ATG10: variants seen among roughly 807,000 people sequenced by gnomAD.
The protein encoded by ATG10 is ubiquitin-like-conjugating enzyme ATG10.
In ATG10, 30 loss-of-function variants were observed where a neutral mutation model predicts 32.1. The observed-to-expected ratio is 0.94, with a 90% CI of 0.70 to 1.27. ATG10 has a LOEUF of 1.27. Ranked by LOEUF, ATG10 falls within the 50% of genes most tolerant of loss-of-function variation. The probability of loss-of-function intolerance (pLI) is 0.00; values close to 1 mark genes in which losing one functional copy is unlikely to be tolerated. For missense variants in ATG10, 233 were observed against 262.3 expected (o/e 0.89, Z 0.77); for synonymous variants, 87 against 91.5 (o/e 0.95, Z 0.28).
At chr5:82,050,682 G>T (rs1561273809) in intron 2 of ATG10, among the ~76,000 whole-genome samples, 1 of 151,666 alleles carries the variant, frequency 6.6e-6, no homozygotes, top group African/African-American at 2.4e-5. Context: ...ACTGCTGATT[G>T]ATAGAGACTA....
intron 5 of ATG10, among the ~76,000 whole-genome samples, chr5:82,200,044 A>G (rs1745004141): frequency 6.6e-6 from 1 of 152,156 alleles, no homozygotes; most frequent in Non-Finnish European, 1.5e-5. Context: ...CAGTTGAAAG[A>G]CCTTTGGGCT....
intron 3 of ATG10, among the ~76,000 whole-genome samples, chr5:82,081,213 C>T (rs1395260858): frequency 6.6e-6 from 1 of 152,130 alleles, no homozygotes; most frequent in East Asian, 1.9e-4. Flanking sequence ...GATTTTGTAT[C>T]CTGAGACTTT....
rs1192405689 is a variant in ATG10 at position 82,250,970 on chromosome 5, G to T, written c.454-1592G>T. Among the ~76,000 whole-genome samples the T allele has an allele frequency of 3.3e-5, 5 of 152,372 alleles. No individual in the cohort carries two copies. The East Asian group carries it at 7.7e-4, about 23-fold the overall frequency. On this transcript the variant is annotated intron_variant, in intron 5 of 7. Transcript: ENST00000282185. ...GGCCCAGTTAGGGATGGGAATGAAG[G>T]TTGGGAAGAGAGCTGTAGAGAGGAA...
chr5:82,060,758 G>A (rs937588439), intron 3 of ATG10, among the ~76,000 whole-genome samples: 3 of 151,992 alleles, frequency 2.0e-5, no homozygotes, highest in Non-Finnish European at 4.4e-5. Context: ...CTAGCTACTC[G>A]GGAGGCTGAG....
intron 5 of ATG10, among the ~76,000 whole-genome samples, chr5:82,240,935 G>C (rs1017318167): frequency 1.3e-5 from 2 of 152,078 alleles, no homozygotes; most frequent in African/African-American, 4.8e-5. Flanking sequence ...AAAAATTGGA[G>C]TATTTCAGCA....
intron 2 of ATG10, among the ~76,000 whole-genome samples, chr5:82,030,640 A>C (rs1762718534): frequency 6.6e-6 from 1 of 152,222 alleles, no homozygotes; most frequent in South Asian, 2.1e-4. Context: ...TTTGGTGATC[A>C]TTAGTTGCTG....
intron 5 of ATG10, among the ~76,000 whole-genome samples, chr5:82,194,888 A>G (rs1259732334): frequency 1.3e-5 from 2 of 152,212 alleles, no homozygotes; most frequent in Admixed American, 6.5e-5. Context: ...TTAAGTTTCC[A>G]TCGCTGCCAA....
chr5:82,018,431 C>T (rs1762344759), intron 2 of ATG10, among the ~76,000 whole-genome samples: 1 of 152,156 alleles, frequency 6.6e-6, no homozygotes, highest in Non-Finnish European at 1.5e-5. Context: ...TTCACTCTTG[C>T]CTTCCTATGA....
chr5:82,086,085 A>G (rs2149787987), intron 3 of ATG10, among the ~76,000 whole-genome samples: 1 of 152,290 alleles, frequency 6.6e-6, no homozygotes, highest in East Asian at 1.9e-4. Flanking sequence ...ATTCAGTAAA[A>G]GGTGTTTGAT....
chr5:82,074,873 C>T (rs2084721531), intron 3 of ATG10, among the ~76,000 whole-genome samples: 1 of 152,168 alleles, frequency 6.6e-6, no homozygotes, highest in African/African-American at 2.4e-5. Flanking sequence ...GACAGAAGCA[C>T]CTTTTTTCTC....
At chr5:82,145,602 CAG>C (rs1767319732) in intron 3 of ATG10, among the ~76,000 whole-genome samples, 1 of 152,102 alleles carries the variant, frequency 6.6e-6, no homozygotes, top group Admixed American at 6.5e-5. Context: ...TTATGAACCT[CAG>C]TGTGTACAGA....
chr5:81,988,435 A>G (rs1179729259), intron 2 of ATG10, among the ~76,000 whole-genome samples: 1 of 151,808 alleles, frequency 6.6e-6, no homozygotes, highest in Non-Finnish European at 1.5e-5. Flanking sequence ...CACCACACCC[A>G]GCCCCAAATT....
chr5:82,032,933 T>C (rs1438426888), intron 2 of ATG10, among the ~76,000 whole-genome samples: 1 of 152,164 alleles, frequency 6.6e-6, no homozygotes, highest in Non-Finnish European at 1.5e-5. Context: ...GAAATTTATA[T>C]GCCAGGAAAT....
chr5:82,221,067 T>C (rs959998810), intron 5 of ATG10, among the ~76,000 whole-genome samples: 2 of 152,124 alleles, frequency 1.3e-5, no homozygotes, highest in Non-Finnish European at 2.9e-5. Context: ...TTCCATCTCT[T>C]TTATGGTTTC....
chr5:82,174,598 GTAAT>G (rs1581770247), intron 4 of ATG10, among the ~76,000 whole-genome samples: 3 of 152,286 alleles, frequency 2.0e-5, no homozygotes, highest in East Asian at 1.9e-4. Context: ...GGACTAGTAA[GTAAT>G]TAGTTACTTG....
chr5:82,235,073 C>G (rs964380324), intron 5 of ATG10, among the ~76,000 whole-genome samples: 1 of 152,182 alleles, frequency 6.6e-6, no homozygotes, highest in South Asian at 2.1e-4. Context: ...GCACAGACTC[C>G]TAGGGGATGG....
intron 2 of ATG10, among the ~76,000 whole-genome samples, chr5:82,007,152 A>G (rs1193008213): frequency 1.3e-5 from 2 of 152,194 alleles, no homozygotes; most frequent in African/African-American, 4.8e-5. Flanking sequence ...TTCATTTAGC[A>G]TAATGTCCTC....
At chr5:82,095,024 T>C (rs1403359078) in intron 3 of ATG10, among the ~76,000 whole-genome samples, 1 of 152,206 alleles carries the variant, frequency 6.6e-6, no homozygotes, top group Non-Finnish European at 1.5e-5. Context: ...TCTGTTCTTA[T>C]ATATAGAATA....
At chr5:82,029,650 C>T (rs533935179) in intron 2 of ATG10, among the ~76,000 whole-genome samples, 7 of 152,196 alleles carry the variant, frequency 4.6e-5, no homozygotes, top group South Asian at 2.1e-4. Context: ...TGCAGCATGA[C>T]GAACCAGACT....
Sources: allele counts gnomAD v4.1 joint callset (sites outside exome capture counted in the v4.1 genomes callset), GRCh38; gene constraint gnomAD v4.1.1; transcripts MANE v1.5; gene names NCBI Gene and HGNC (gene_info 2026-07-23, HGNC 2026-07-21).